NYAP2: variants seen among roughly 807,000 people sequenced by gnomAD.
NYAP2 encodes the protein neuronal tyrosine-phosphorylated phosphoinositide-3-kinase adaptor 2, also known as neuronal tyrosine-phosphorylated phosphoinositide-3-kinase adapter 2.
NYAP2 carries 23 observed loss-of-function variants against 50.4 expected under a neutral mutation model. That is an observed-to-expected ratio of 0.46 (90% confidence interval 0.33 to 0.65). The LOEUF is 0.65. Ranked by LOEUF, NYAP2 falls within the 30% of genes least tolerant of loss-of-function variation. NYAP2 has a pLI of 0.02. For synonymous variants in NYAP2, 394 were observed against 365.2 expected, an observed-to-expected ratio of 1.08 and a Z score of -0.90; for missense variants, 885 against 861.0, an observed-to-expected ratio of 1.03 and a Z score of -0.35.
chr2:225,557,053 C>T lies in NYAP2; in HGVS notation c.524-24888C>T, dbSNP rs561477014. ...ATGGTTGAAAGAGGCCAAAGCAAAA[C>T]ACACATATCTAAATTTTTAGATATA... On this transcript the variant is annotated intron_variant, in intron 4 of 6. Coordinates refer to ENST00000636099, the Ensembl canonical transcript of NYAP2. Among the ~76,000 whole-genome samples, 3 of 152,282 alleles carry T rather than the reference C, an allele frequency of 2.0e-5. No homozygotes were observed. The East Asian group carries it at 5.8e-4, about 29-fold the overall frequency.
In NYAP2 at chr2:225,538,651, C is replaced by T. The variant is rs145557197; in HGVS notation, c.523+24979C>T. Among the ~76,000 whole-genome samples, 911 of 152,300 alleles carry T rather than the reference C, an allele frequency of 6.0e-3. 26 individuals are homozygous for T. Among genetic ancestry groups the T allele is most frequent in the Admixed American group, 0.046 (710 of 15,300 alleles). On this transcript the variant is annotated intron_variant, in intron 4 of 6. Coordinates refer to ENST00000636099, the Ensembl canonical transcript of NYAP2. The stretch of plus-strand genomic sequence containing the variant: ...GGTTGCTGTGAAGACCTCTGACATG[C>T]TCTGGAGACATTTTCCCCATTGTCT...
At chr2:225,498,348 G>C (rs186757280) in intron 3 of NYAP2, among the ~76,000 whole-genome samples, 1 of 152,064 alleles carries the variant, frequency 6.6e-6, no homozygotes. Context: ...TGAATAACTT[G>C]AGATTTTTTT....
chr2:225,436,908 A>T (rs1248275224), intron 3 of NYAP2, among the ~76,000 whole-genome samples: 1 of 151,980 alleles, frequency 6.6e-6, no homozygotes, highest in African/African-American at 2.4e-5. Context: ...TCAGAGCCTC[A>T]TTCCTTCAAG....
At chr2:225,415,631 T>G (rs1477754836) in intron 3 of NYAP2, among the ~76,000 whole-genome samples, 1 of 152,132 alleles carries the variant, frequency 6.6e-6, no homozygotes. Context: ...AATAGCTATT[T>G]TTGTCACGAA....
chr2:225,503,472 G>T (rs1690642865), intron 3 of NYAP2, among the ~76,000 whole-genome samples: 1 of 152,072 alleles, frequency 6.6e-6, no homozygotes, highest in South Asian at 2.1e-4. Flanking sequence ...GTAAAAATAA[G>T]TCTCTTAAAG....
rs773627897 is a variant in NYAP2 at position 225,582,922 on chromosome 2, C to G, written c.1505C>G (p.Ser502Cys). ...ACCTACGGGGCAGCCCCGGGTGGCT[C>G]CCGGTCCCGGACACCCACGAGCCCG... The change falls in exon 5 of 7, where the codon TCC becomes TGC. Residue 502 changes from serine to cysteine, a missense_variant. Ser to Cys is a moderately radical substitution (Grantham distance 112). Transcript: ENST00000636099. This position sits in a 1 kb window ranked among gnomAD's most constrained non-coding sequence, Gnocchi z 7.0. 1.2e-6 allele frequency: 2 copies of G among 1,612,852 alleles called. No individual in the cohort carries two copies. The highest frequency in any genetic ancestry group is 2.7e-5 in the African/African-American group (2 of 74,938).
At chr2:225,467,225 T>A (rs1689935218) in intron 3 of NYAP2, among the ~76,000 whole-genome samples, 1 of 152,278 alleles carries the variant, frequency 6.6e-6, no homozygotes, top group African/African-American at 2.4e-5. Context: ...AGATACCAAT[T>A]AAACTCCACC....
At chr2:225,523,182 T>A (rs2106192513) in intron 4 of NYAP2, among the ~76,000 whole-genome samples, 1 of 152,098 alleles carries the variant, frequency 6.6e-6, no homozygotes, top group East Asian at 1.9e-4. Flanking sequence ...TAAGTGGCCA[T>A]AACGTTTTTT....
At chr2:225,511,538 C>T (rs1690818470) in intron 3 of NYAP2, among the ~76,000 whole-genome samples, 1 of 151,998 alleles carries the variant, frequency 6.6e-6, no homozygotes, top group Non-Finnish European at 1.5e-5. Context: ...ACCTTTATTG[C>T]AAAGATGGTA....
exon 3 of NYAP2, chr2:225,409,096 A>T: frequency 6.3e-7 from 1 of 1,577,564 alleles, no homozygotes; most frequent in Non-Finnish European, 8.6e-7. Flanking sequence ...AAGAAGCAAT[A>T]AAGCGGTAAA....
intron 5 of NYAP2, among the ~76,000 whole-genome samples, chr2:225,595,806 A>G (rs968298833): frequency 6.6e-6 from 1 of 152,170 alleles, no homozygotes; most frequent in Non-Finnish European, 1.5e-5. Flanking sequence ...TTTAGCTTCC[A>G]TGGCCAATCC....
rs572610788 is a variant in NYAP2, at chr2:225,431,746, C to T, written c.221+22645C>T. ...GTTCCGGGAACTCATTAGCAAAATG[C>T]ATTTATGCATTAAGAAGTCCACTTA... On this transcript the variant is annotated intron_variant, in intron 3 of 6. Coordinates refer to ENST00000636099, the Ensembl canonical transcript of NYAP2. Among the ~76,000 whole-genome samples the T allele has an allele frequency of 9.2e-5, 14 of 152,242 alleles. No homozygotes were observed. The East Asian group carries it at 2.1e-3, about 23-fold the overall frequency.
chr2:225,557,937 G>C (rs138187331), intron 4 of NYAP2, among the ~76,000 whole-genome samples: 49 of 152,236 alleles, frequency 3.2e-4, no homozygotes, highest in African/African-American at 1.2e-3. Flanking sequence ...GAATAATGTT[G>C]CCCAATGCAT....
chr2:225,476,809 G>A (rs1690116074), intron 3 of NYAP2, among the ~76,000 whole-genome samples: 1 of 152,106 alleles, frequency 6.6e-6, no homozygotes, highest in Non-Finnish European at 1.5e-5. Context: ...TTAAGATACA[G>A]ATAATAGTAA....
intron 3 of NYAP2, among the ~76,000 whole-genome samples, chr2:225,493,068 C>T (rs1690436831): frequency 6.6e-6 from 1 of 151,894 alleles, no homozygotes; most frequent in South Asian, 2.1e-4. Context: ...CTCACTGCAG[C>T]CTTACCTCCC....
At chr2:225,488,498 C>A (rs1240642887) in intron 3 of NYAP2, among the ~76,000 whole-genome samples, 1 of 152,106 alleles carries the variant, frequency 6.6e-6, no homozygotes, top group Non-Finnish European at 1.5e-5. Context: ...CTCAGCCTCC[C>A]AAGTAGTTGA....
intron 4 of NYAP2, among the ~76,000 whole-genome samples, chr2:225,519,685 C>A (rs976823263): frequency 1.3e-5 from 2 of 151,996 alleles, no homozygotes; most frequent in Non-Finnish European, 2.9e-5. Context: ...TGGACATTTG[C>A]GCTGGTTCCA....
intron 4 of NYAP2, among the ~76,000 whole-genome samples, chr2:225,566,083 T>A (rs917409295): frequency 6.6e-6 from 1 of 152,162 alleles, no homozygotes; most frequent in African/African-American, 2.4e-5. Flanking sequence ...AAAACAGAGT[T>A]TATAATTGTA....
chr2:225,612,251 T>C (rs1173087904), intron 5 of NYAP2, among the ~76,000 whole-genome samples: 2 of 151,456 alleles, frequency 1.3e-5, no homozygotes, highest in Non-Finnish European at 2.9e-5. Flanking sequence ...TTCCTGTTTA[T>C]ATAGTCTTCA....
Sources: gnomAD v4.1 joint callset for allele counts (sites outside exome capture counted in the v4.1 genomes callset) on GRCh38, gnomAD v4.1.1 for gene constraint, Gnocchi (gnomAD v3.1) non-coding constraint, MANE v1.5 for transcripts, NCBI Gene and HGNC (gene_info 2026-07-23, HGNC 2026-07-21) for gene names.